The following PDZRN3 variants were observed in gnomAD, a reference collection of about 807,000 sequenced individuals.
PDZRN3 encodes PDZ domain containing ring finger 3, also known as E3 ubiquitin-protein ligase PDZRN3.
PDZRN3 carries 38 observed loss-of-function variants against 85.7 expected under a neutral mutation model. The observed-to-expected ratio is 0.44, with a 90% confidence interval of 0.34 to 0.58. PDZRN3 has a LOEUF of 0.58. Ranked by LOEUF, PDZRN3 falls within the 20% of genes least tolerant of loss-of-function variation. The pLI, the probability that PDZRN3 is intolerant of heterozygous loss-of-function variation, is 0.01. For missense variants in PDZRN3, 1,629 were observed against 1,506.4 expected (o/e 1.08, Z -1.35); for synonymous variants, 759 against 638.0 (o/e 1.19, Z -2.86).
Position 73,489,112 on chromosome 3 carries a change from A to T in PDZRN3, c.919-84717T>A, listed in dbSNP as rs577891581. 3.3e-5 allele frequency among the ~76,000 whole-genome samples: 5 copies of T among 152,310 alleles called. 1 individual carries two copies. The highest frequency in any genetic ancestry group is 6.8e-3 in the Middle Eastern group (2 of 294). ...TGATTTCCCCAGCCCCAGCCAAGGC[A>T]CAGTGCACTGAGCAGGTGACTAGCA... On this transcript the variant is annotated intron_variant, in intron 3 of 9. Transcript: ENST00000263666.
At chr3:73,577,312 A>G (rs1043039289) in intron 3 of PDZRN3, among the ~76,000 whole-genome samples, 5 of 152,070 alleles carry the variant, frequency 3.3e-5, no homozygotes, top group African/African-American at 1.2e-4. Context: ...TGCTCCCTTT[A>G]CTCACTTATG....
intron 3 of PDZRN3, among the ~76,000 whole-genome samples, chr3:73,437,869 C>T (rs1650653336): frequency 6.6e-6 from 1 of 152,068 alleles, no homozygotes; most frequent in African/African-American, 2.4e-5. Context: ...CACACCCTAC[C>T]ATTTAGTAAA....
intron 3 of PDZRN3, among the ~76,000 whole-genome samples, chr3:73,458,322 C>A (rs1222528239): frequency 6.6e-6 from 1 of 151,766 alleles, no homozygotes; most frequent in Non-Finnish European, 1.5e-5. Flanking sequence ...AGTCTGATGC[C>A]AATACCTCTC....
At chr3:73,483,720 T>C (rs911498924) in intron 3 of PDZRN3, among the ~76,000 whole-genome samples, 6 of 152,030 alleles carry the variant, frequency 3.9e-5, no homozygotes, top group African/African-American at 1.2e-4. Context: ...CCAGGAAGGG[T>C]AGCCCAGAAG....
chr3:73,586,123 T>C (rs1283391518), intron 3 of PDZRN3, among the ~76,000 whole-genome samples: 1 of 152,238 alleles, frequency 6.6e-6, no homozygotes, highest in African/African-American at 2.4e-5. Context: ...CCCTTATATT[T>C]ATATTTTTTA....
intron 3 of PDZRN3, among the ~76,000 whole-genome samples, chr3:73,517,251 T>C (rs1319148803): frequency 6.6e-6 from 1 of 152,236 alleles, no homozygotes; most frequent in East Asian, 1.9e-4. Context: ...AATTTATATG[T>C]GTGACTAACT....
Position 73,519,247 on chromosome 3 carries a change from C to T in PDZRN3, c.918+83107G>A, listed in dbSNP as rs114055781. Among the ~76,000 whole-genome samples, 740 of 151,938 alleles carry T rather than the reference C, an allele frequency of 4.9e-3. 4 individuals are homozygous for T. Among genetic ancestry groups the T allele is most frequent in the African/African-American group, 0.017 (717 of 41,434 alleles). On this transcript the variant is annotated intron_variant, in intron 3 of 9. Transcript: ENST00000263666. ...AAGGAGACTGAGCAAAATCTATACA[C>T]GCCAGCGTAAAGAGGAGGCCAGAGC... is the stretch of plus-strand genomic sequence containing the variant.
chr3:73,401,334 A>G (rs981106305), intron 4 of PDZRN3, among the ~76,000 whole-genome samples: 1 of 152,188 alleles, frequency 6.6e-6, no homozygotes, highest in Non-Finnish European at 1.5e-5. Flanking sequence ...TACGCAGGAA[A>G]CAGGACAATA....
chr3:73,508,461 A>G (rs1264744509), intron 3 of PDZRN3, among the ~76,000 whole-genome samples: 1 of 152,196 alleles, frequency 6.6e-6, no homozygotes, highest in Non-Finnish European at 1.5e-5. Context: ...CGTGATGGCC[A>G]ATTTCACCTT....
intron 3 of PDZRN3, among the ~76,000 whole-genome samples, chr3:73,536,037 T>C (rs1385043980): frequency 1.3e-5 from 2 of 152,208 alleles, no homozygotes; most frequent in Non-Finnish European, 2.9e-5. Flanking sequence ...ATAAATGTGA[T>C]TGAGCTACAC....
chr3:73,425,399 A>G (rs1702292452), intron 3 of PDZRN3, among the ~76,000 whole-genome samples: 1 of 152,118 alleles, frequency 6.6e-6, no homozygotes, highest in African/African-American at 2.4e-5. Flanking sequence ...GGAAGCATCC[A>G]AAGTCTAGGG....
At position 73,384,650 on chromosome 3, in the gene PDZRN3, G is replaced by A. The variant is rs559673789; in HGVS notation, c.1916C>T (p.Pro639Leu). ...DCTDADYLGIPVDECERFREL... is the reference protein window; with the variant it reads ...DCTDADYLGILVDECERFREL... ...GCGGAAGCGCTCGCACTCGTCCACC[G>A]GGATCCCCAGGTAGTCGGCGTCCGT... Residue 639 changes from proline to leucine, a missense_variant, in exon 10 of 10, where the codon CCG (proline) becomes CTG (leucine). Coordinates refer to ENST00000263666, the MANE Select transcript of PDZRN3 (RefSeq NM_015009.3). 5 of 1,613,742 alleles carry A rather than the reference G, an allele frequency of 3.1e-6. No homozygotes were observed. Among genetic ancestry groups the A allele is most frequent in the Admixed American group, 1.7e-5 (1 of 60,006 alleles).
At chr3:73,516,619 T>A (rs1174752516) in intron 3 of PDZRN3, among the ~76,000 whole-genome samples, 1 of 152,248 alleles carries the variant, frequency 6.6e-6, no homozygotes, top group Non-Finnish European at 1.5e-5. Flanking sequence ...TAAATTTTTA[T>A]ATAGTCAAAT....
intron 6 of PDZRN3, among the ~76,000 whole-genome samples, 184 bp from the exon 7 acceptor site, chr3:73,390,062 T>C (rs1264698091): frequency 6.6e-6 from 1 of 152,186 alleles, no homozygotes; most frequent in Admixed American, 6.5e-5. Context: ...TTCTAAGCCC[T>C]TTCTAGGGCT....
chr3:73,619,117 C>T (rs1241029535), intron 1 of PDZRN3, among the ~76,000 whole-genome samples: 1 of 152,078 alleles, frequency 6.6e-6, no homozygotes, highest in Non-Finnish European at 1.5e-5. Context: ...AAAAATAATG[C>T]CTCCCCTAAA....
chr3:73,485,440 T>C (rs535426182), intron 3 of PDZRN3, among the ~76,000 whole-genome samples: 173 of 152,228 alleles, frequency 1.1e-3, no homozygotes, highest in African/African-American at 4.0e-3. Context: ...AATTTTGAAA[T>C]ATTTTTCAGT....
At chr3:73,453,170 G>C (rs1013707752) in intron 3 of PDZRN3, among the ~76,000 whole-genome samples, 18 of 152,008 alleles carry the variant, frequency 1.2e-4, no homozygotes, top group Admixed American at 1.0e-3. Flanking sequence ...CACTTTGGGA[G>C]GCCAAGGCAG....
intron 3 of PDZRN3, chr3:73,561,662 A>G (rs548822362): frequency 1.3e-5 from 2 of 152,326 alleles, no homozygotes; most frequent in African/African-American, 4.8e-5. Flanking sequence ...ATGCACTCAC[A>G]TGGTGAGCAC....
chr3:73,409,861 G>C (rs962169562), intron 3 of PDZRN3, among the ~76,000 whole-genome samples: 2 of 152,160 alleles, frequency 1.3e-5, no homozygotes, highest in African/African-American at 4.8e-5. Context: ...CTCCAAATTA[G>C]AAACTAAGTA....
Sources: gnomAD v4.1 joint callset for allele counts (sites outside exome capture counted in the v4.1 genomes callset) on GRCh38, gnomAD v4.1.1 for gene constraint, MANE v1.5 for transcripts, NCBI Gene and HGNC (gene_info 2026-07-23, HGNC 2026-07-21) for gene names.